STAG1: variants seen among roughly 807,000 people sequenced by gnomAD.
STAG1 encodes the protein cohesin subunit SA-1.
STAG1 carries 26 observed loss-of-function variants against 170.9 expected under a neutral mutation model. The observed-to-expected ratio is 0.15, with a 90% CI of 0.11 to 0.21. The LOEUF (loss-of-function observed/expected upper bound fraction) is 0.21, where lower values mean the gene tolerates loss of function less well. Ranked by LOEUF, STAG1 falls within the 10% of genes least tolerant of loss-of-function variation. STAG1 has a pLI of 1.00. For missense variants in STAG1, 964 were observed against 1,509.5 expected, an observed-to-expected ratio of 0.64 and a Z score of 5.99; for synonymous variants, 514 against 497.7, an observed-to-expected ratio of 1.03 and a Z score of -0.44.
At chr3:136,610,978 C>A (rs1055828087) in intron 3 of STAG1, among the ~76,000 whole-genome samples, 1 of 151,914 alleles carries the variant, frequency 6.6e-6, no homozygotes, top group Non-Finnish European at 1.5e-5. Flanking sequence ...GGTTGAGTAC[C>A]CCTTATCTGA....
chr3:136,381,293 A>G (rs1057460892), intron 22 of STAG1, among the ~76,000 whole-genome samples: 4 of 152,204 alleles, frequency 2.6e-5, no homozygotes, highest in African/African-American at 9.6e-5. Context: ...GTATCCTGGG[A>G]AATACCAATA....
At chr3:136,734,151 A>C (rs1191108551) in intron 1 of STAG1, among the ~76,000 whole-genome samples, 2 of 151,866 alleles carry the variant, frequency 1.3e-5, no homozygotes, top group Non-Finnish European at 2.9e-5. Flanking sequence ...AAAACAAAAA[A>C]AATTTTCTGC....
chr3:136,630,007 C>T (rs1174002803), intron 2 of STAG1, among the ~76,000 whole-genome samples: 2 of 151,966 alleles, frequency 1.3e-5, no homozygotes, highest in African/African-American at 4.8e-5. Context: ...ACCAGCCTGG[C>T]CAACATAGTG....
intron 21 of STAG1, among the ~76,000 whole-genome samples, chr3:136,409,377 T>C (rs1421385743): frequency 6.6e-6 from 1 of 152,012 alleles, no homozygotes; most frequent in Non-Finnish European, 1.5e-5. Context: ...GACAGTCTCA[T>C]CCAGGATGGA....
In STAG1 at chr3:136,566,913, T is replaced by C. The variant is rs981731724; in HGVS notation, c.394+1852A>G. ...AAAGGAATGCAATGAGCCTGTGTTT[T>C]TAAAAATGAAGGAGAAAGGTCTCTA... On this transcript the variant is annotated intron_variant, in intron 5 of 33. Transcript: ENST00000383202. 3.9e-5 allele frequency among the ~76,000 whole-genome samples: 6 copies of C among 152,348 alleles called. 1 individual carries two copies. Among genetic ancestry groups the C allele is most frequent in the Non-Finnish European group, 8.8e-5 (6 of 68,028 alleles).
At chr3:136,693,971 G>T (rs1368185838) in intron 1 of STAG1, among the ~76,000 whole-genome samples, 3 of 152,092 alleles carry the variant, frequency 2.0e-5, no homozygotes, top group African/African-American at 2.4e-5. Flanking sequence ...TTTTAACTGA[G>T]AAATTCTATG....
At chr3:136,459,230 A>AAG in intron 13 of STAG1, among the ~76,000 whole-genome samples, 1 of 150,856 alleles carries the variant, frequency 6.6e-6, no homozygotes, top group East Asian at 1.9e-4. Context: ...GAAAAAAAAA[A>AAG]AAAAAAGAAA....
chr3:136,732,237 TAAAAAAAAA>T (rs71134406), intron 1 of STAG1, among the ~76,000 whole-genome samples: 8 of 85,758 alleles, frequency 9.3e-5, no homozygotes, highest in Non-Finnish European at 1.9e-4. Context: ...TATCCACAAC[TAAAAAAAAA>T]AAAAAAAAAA....
At chr3:136,604,029 A>T (rs947439647) in intron 4 of STAG1, among the ~76,000 whole-genome samples, 3 of 152,038 alleles carry the variant, frequency 2.0e-5, no homozygotes, top group Non-Finnish European at 4.4e-5. Flanking sequence ...ACACTAAATC[A>T]GATTCAAAAA....
intron 1 of STAG1, among the ~76,000 whole-genome samples, chr3:136,728,886 A>G (rs1325611153): frequency 6.6e-6 from 1 of 152,214 alleles, no homozygotes; most frequent in African/African-American, 2.4e-5. Flanking sequence ...TTAATCTAAT[A>G]CTTTGACATG....
Position 136,349,381 on chromosome 3 carries a change from A to T in STAG1, c.3066-18T>A, listed in dbSNP as rs757920200. On this transcript the variant is annotated intron_variant, in intron 28 of 33. Transcript: ENST00000383202. ...ATGAATGACTAGAAACACAATAGAA[A>T]CAGCAGTGATTTTCAGAGAAGCAGT... 5 of 1,591,018 alleles carry T rather than the reference A, an allele frequency of 3.1e-6. No homozygotes were observed. The African/African-American group carries it at 6.7e-5, about 21-fold the overall frequency.
chr3:136,696,230 G>A (rs1187998694), intron 1 of STAG1, among the ~76,000 whole-genome samples: 1 of 152,196 alleles, frequency 6.6e-6, no homozygotes, highest in Non-Finnish European at 1.5e-5. Context: ...GGTTTTAGCA[G>A]CTACTAGGTA....
chr3:136,465,633 A>G (rs1434120761), intron 12 of STAG1, among the ~76,000 whole-genome samples: 1 of 151,372 alleles, frequency 6.6e-6, no homozygotes, highest in African/African-American at 2.4e-5. Context: ...GTTATATAAT[A>G]ATATACATAC....
At chr3:136,682,381 TGCCACTACATTCCA>T (rs888840527) in intron 1 of STAG1, among the ~76,000 whole-genome samples, 10 of 151,136 alleles carry the variant, frequency 6.6e-5, no homozygotes, top group Non-Finnish European at 1.0e-4. Context: ...GCCAAGATCA[TGCCACTACATTCCA>T]GCCTGGGCAA....
chr3:136,468,131 G>A (rs1485020579), intron 12 of STAG1, among the ~76,000 whole-genome samples: 4 of 152,116 alleles, frequency 2.6e-5, no homozygotes, highest in African/African-American at 9.7e-5. Context: ...TCTAAAGCTA[G>A]CAGAAGGCAA....
At chr3:136,466,760 C>T (rs12491275) in intron 12 of STAG1, among the ~76,000 whole-genome samples, 1 of 151,988 alleles carries the variant, frequency 6.6e-6, no homozygotes, top group Non-Finnish European at 1.5e-5. Context: ...AGAGAAAGGT[C>T]GGGTTACCCA....
chr3:136,603,581 G>C (rs990007215), intron 4 of STAG1, among the ~76,000 whole-genome samples: 1 of 152,096 alleles, frequency 6.6e-6, no homozygotes, highest in African/African-American at 2.4e-5. Context: ...AATGAGAAGA[G>C]ATAAAAGAGT....
intron 23 of STAG1, among the ~76,000 whole-genome samples, chr3:136,371,569 CATA>C (rs1937341109): frequency 2.0e-5 from 3 of 152,232 alleles, no homozygotes; most frequent in African/African-American, 7.2e-5. Flanking sequence ...CAGCTTTCTA[CATA>C]TGGCTAGCCA....
chr3:136,494,181 G>T (rs1027658415), intron 9 of STAG1, among the ~76,000 whole-genome samples: 1 of 152,146 alleles, frequency 6.6e-6, no homozygotes, highest in Non-Finnish European at 1.5e-5. Flanking sequence ...TGAGGCAGGA[G>T]GACTGCTTGA....
Sources: allele counts gnomAD v4.1 joint callset (sites outside exome capture counted in the v4.1 genomes callset), GRCh38; gene constraint gnomAD v4.1.1; transcripts MANE v1.5; gene names NCBI Gene and HGNC (gene_info 2026-07-23, HGNC 2026-07-21).